Variants in CNTNAP2 observed in about 807,000 individuals in gnomAD.
CNTNAP2 encodes the protein contactin associated protein 2.
In CNTNAP2, 98 loss-of-function variants were observed where a neutral mutation model predicts 155.2. The observed-to-expected ratio is 0.63, with a 90% CI of 0.54 to 0.75. The LOEUF (loss-of-function observed/expected upper bound fraction) is 0.75. Ranked by LOEUF, CNTNAP2 falls within the 30% of genes least tolerant of loss-of-function variation. CNTNAP2 has a pLI of 0.00. For synonymous variants in CNTNAP2, 651 were observed against 631.2 expected (o/e 1.03, Z -0.47); for missense variants, 1,727 against 1,688.1 (o/e 1.02, Z -0.40).
chr7:148,125,436 T>C (rs1360049281), intron 16 of CNTNAP2, among the ~76,000 whole-genome samples: 1 of 152,142 alleles, frequency 6.6e-6, no homozygotes, highest in Non-Finnish European at 1.5e-5. Flanking sequence ...AGTACACGTA[T>C]CCATGCGTAC....
intron 4 of CNTNAP2, among the ~76,000 whole-genome samples, chr7:147,090,940 T>A (rs889427005): frequency 1.3e-5 from 2 of 152,116 alleles, no homozygotes; most frequent in Non-Finnish European, 2.9e-5. Flanking sequence ...AATCCTGAAT[T>A]CTTCCATTTA....
chr7:146,525,566 A>ATCTG (rs1017602058), intron 1 of CNTNAP2, among the ~76,000 whole-genome samples: 2 of 146,508 alleles, frequency 1.4e-5, no homozygotes, highest in African/African-American at 2.6e-5. Context: ...CTATCTATCT[A>ATCTG]TCTATCTATC....
intron 1 of CNTNAP2, among the ~76,000 whole-genome samples, chr7:146,651,018 G>T (rs1033260594): frequency 2.0e-5 from 3 of 150,764 alleles, no homozygotes; most frequent in Non-Finnish European, 4.4e-5. Context: ...GCAACATAGT[G>T]AATTTTTTTT....
intron 1 of CNTNAP2, among the ~76,000 whole-genome samples, chr7:146,503,817 A>G (rs1280884091): frequency 6.6e-6 from 1 of 152,040 alleles, no homozygotes; most frequent in Non-Finnish European, 1.5e-5. Context: ...TGCCAGTACT[A>G]TGTTGTTTTG....
At chr7:147,282,478 A>C (rs1563145194) in intron 8 of CNTNAP2, among the ~76,000 whole-genome samples, 1 of 151,880 alleles carries the variant, frequency 6.6e-6, no homozygotes, top group Non-Finnish European at 1.5e-5. Context: ...GACAGTGGTG[A>C]GATTTCAAGA....
rs1336762746 is a variant in CNTNAP2, at chr7:146,964,519, G to A, written c.403-79388G>A. 3.3e-5 allele frequency among the ~76,000 whole-genome samples: 5 copies of A among 152,146 alleles called. No individual in the cohort carries two copies. In the South Asian group the frequency reaches 1.0e-3, roughly 31 times the overall value. On this transcript the variant is annotated intron_variant, in intron 3 of 23. Coordinates refer to ENST00000361727, the MANE Select transcript of CNTNAP2 (RefSeq NM_014141.6). Reference sequence around the variant, plus strand: ...TTGGATATCTTCCAGCACTAAAACTGACAAGGTGATATTAAGATAAAATAT... The same window carrying A: ...TTGGATATCTTCCAGCACTAAAACTAACAAGGTGATATTAAGATAAAATAT...
At chr7:146,991,202 A>C (rs1157463527) in intron 3 of CNTNAP2, among the ~76,000 whole-genome samples, 1 of 152,182 alleles carries the variant, frequency 6.6e-6, no homozygotes, top group Non-Finnish European at 1.5e-5. Context: ...TTGAAATTTG[A>C]TTGAAAGATT....
At chr7:147,119,043 G>T (rs952866083) in intron 5 of CNTNAP2, among the ~76,000 whole-genome samples, 6 of 152,258 alleles carry the variant, frequency 3.9e-5, no homozygotes, top group African/African-American at 1.4e-4. Flanking sequence ...AGAAGGAAGA[G>T]CAGGGGGAGA....
chr7:148,301,630 A>G (rs904258506), intron 21 of CNTNAP2, among the ~76,000 whole-genome samples: 14 of 152,302 alleles, frequency 9.2e-5, no homozygotes, highest in South Asian at 2.1e-4. Context: ...TCCCTTGAGA[A>G]GGGATAGAGC....
intron 13 of CNTNAP2, among the ~76,000 whole-genome samples, chr7:147,862,922 AT>A (rs1444280024): frequency 6.6e-6 from 1 of 151,766 alleles, no homozygotes; most frequent in Non-Finnish European, 1.5e-5. Flanking sequence ...GTATCTTTCC[AT>A]TTCTTTTATA....
intron 15 of CNTNAP2, among the ~76,000 whole-genome samples, chr7:148,058,280 G>C (rs1261083110): frequency 6.6e-6 from 1 of 152,068 alleles, no homozygotes; most frequent in Non-Finnish European, 1.5e-5. Context: ...GACTCTCCCA[G>C]AGCAGAGCAA....
At chr7:148,185,870 TA>T (rs953919533) in intron 18 of CNTNAP2, among the ~76,000 whole-genome samples, 5 of 152,228 alleles carry the variant, frequency 3.3e-5, no homozygotes, top group Admixed American at 2.6e-4. Flanking sequence ...AACAAGTTTA[TA>T]ATCCCTCTCC....
intron 3 of CNTNAP2, among the ~76,000 whole-genome samples, chr7:146,843,202 C>G (rs1186068482): frequency 7.3e-6 from 1 of 137,630 alleles, no homozygotes; most frequent in East Asian, 2.1e-4. Flanking sequence ...TTAGTAGAGA[C>G]GGGGTTTCAC....
rs547791464 is a variant in CNTNAP2 at position 147,912,208 on chromosome 7, A to G, written c.2255+8487A>G. Among the ~76,000 whole-genome samples, 32 of 151,248 alleles carry G rather than the reference A, an allele frequency of 2.1e-4. 1 individual carries two copies. The South Asian group carries it at 5.6e-3, about 26-fold the overall frequency. On this transcript the variant is annotated intron_variant, in intron 14 of 23. Coordinates refer to ENST00000361727, the MANE Select transcript of CNTNAP2 (RefSeq NM_014141.6). ...GGAGTTTAAATGAGAGGATACTCATAAGGGAGAAGGCACATCCATATTTCA... is the reference window on the plus strand; with the variant it reads ...GGAGTTTAAATGAGAGGATACTCATGAGGGAGAAGGCACATCCATATTTCA...
chr7:146,968,209 T>A (rs1584755155), intron 3 of CNTNAP2, among the ~76,000 whole-genome samples: 1 of 151,976 alleles, frequency 6.6e-6, no homozygotes, highest in African/African-American at 2.4e-5. Context: ...GGATTCGGTT[T>A]GCCAGTATTT....
At chr7:146,794,450 A>T (rs944412739) in intron 2 of CNTNAP2, among the ~76,000 whole-genome samples, 1 of 152,228 alleles carries the variant, frequency 6.6e-6, no homozygotes, top group Non-Finnish European at 1.5e-5. Flanking sequence ...CATTAAAAAT[A>T]AAAATCATTG....
chr7:147,333,340 T>A (rs1795607641), intron 9 of CNTNAP2, among the ~76,000 whole-genome samples: 1 of 152,156 alleles, frequency 6.6e-6, no homozygotes, highest in Non-Finnish European at 1.5e-5. Context: ...TTTCCATTGA[T>A]CCATGGTAAG....
At chr7:148,266,906 C>G in intron 20 of CNTNAP2, 127 bp from the exon 21 acceptor site, 1 of 857,780 alleles carries the variant, frequency 1.2e-6, no homozygotes, top group Non-Finnish European at 2.0e-6. Flanking sequence ...GTTTTAGAGT[C>G]AGTGCTGATG....
At chr7:146,140,570 G>A (rs1054410973) in intron 1 of CNTNAP2, among the ~76,000 whole-genome samples, 5 of 151,860 alleles carry the variant, frequency 3.3e-5, no homozygotes, top group African/African-American at 9.7e-5. Context: ...TCAAGTGTTC[G>A]GCTTGAGGTT....
Sources: gnomAD v4.1 joint callset for allele counts (sites outside exome capture counted in the v4.1 genomes callset) on GRCh38, gnomAD v4.1.1 for gene constraint, MANE v1.5 for transcripts, NCBI Gene and HGNC (gene_info 2026-07-23, HGNC 2026-07-21) for gene names.